LY96: variants seen among roughly 807,000 people sequenced by gnomAD.
LY96 encodes lymphocyte antigen 96, also known as myeloid differentiation protein-2.
Under a neutral mutation model 18.9 loss-of-function variants are expected in LY96, and 18 were observed. The observed-to-expected ratio is 0.95, with a 90% confidence interval of 0.66 to 1.41. The LOEUF is 1.41. Among genes scored for constraint, LY96 ranks in the 40% most tolerant of loss-of-function variants. LY96 has a pLI of 0.00. For missense variants in LY96, 175 were observed against 182.4 expected, an observed-to-expected ratio of 0.96 and a Z score of 0.23; for synonymous variants, 66 against 62.6, an observed-to-expected ratio of 1.06 and a Z score of -0.26.
chr8:74,054,520 TTTCCTTCCTTCCTTCCTTCC>T, the LY96 span, among the ~76,000 whole-genome samples: 34 of 118,418 alleles, frequency 2.9e-4, 1 homozygote, highest in Admixed American at 9.5e-4. Context: ...TTTTCTTTCT[TTTCCTTCCTTCCTTCCTTCC>T]TTCCTTCCTT....
intron 3 of LY96, among the ~76,000 whole-genome samples, chr8:74,025,737 G>T (rs1816857988): frequency 6.6e-6 from 1 of 151,854 alleles, no homozygotes; most frequent in Non-Finnish European, 1.5e-5. Flanking sequence ...GCTGGGCGCA[G>T]TGGCTCATGC....
chr8:74,069,841 ATCC>A, the LY96 span, among the ~76,000 whole-genome samples: 1 of 152,172 alleles, frequency 6.6e-6, no homozygotes, highest in East Asian at 1.9e-4. Context: ...ACCTCAGGTG[ATCC>A]TCCTGCCTTG....
the LY96 span, among the ~76,000 whole-genome samples, chr8:74,063,787 C>T: frequency 0.042 from 6,270 of 150,692 alleles, 345 homozygotes; most frequent in African/African-American, 0.12. Flanking sequence ...AGTGTAAGAA[C>T]GTAACAAATA....
chr8:74,065,555 G>A, the LY96 span, among the ~76,000 whole-genome samples: 6 of 152,186 alleles, frequency 3.9e-5, no homozygotes, highest in African/African-American at 1.4e-4. Context: ...GACTTATCCT[G>A]TGGGCTTTGT....
chr8:74,050,547 G>T, the LY96 span, among the ~76,000 whole-genome samples: 1 of 151,972 alleles, frequency 6.6e-6, no homozygotes, highest in Non-Finnish European at 1.5e-5. Flanking sequence ...CACTCTTAAT[G>T]AAGCCATATG....
rs776208555 is a variant in LY96, at chr8:74,002,096, TC to T, written c.113-2699del. On this transcript the variant is annotated intron_variant, in intron 1 of 4. Transcript: ENST00000284818. Reference sequence around the variant, plus strand: ...CTTCCTTTCTTTCTTTCTTTCTTTCTCTCTCTCTCTCTCTCTCTCTCTCTCT... The same window carrying T: ...CTTCCTTTCTTTCTTTCTTTCTTTCTTCTCTCTCTCTCTCTCTCTCTCTCT... 0.019 allele frequency among the ~76,000 whole-genome samples: 240 copies of T among 12,688 alleles called. 34 individuals carry two copies. In the East Asian group the frequency reaches 0.21, roughly 11 times the overall value. The allele number at this position is 12,688 out of a possible 152,430, so 8.3% of individuals were successfully genotyped here.
At chr8:74,081,146 T>C in the LY96 span, among the ~76,000 whole-genome samples, 9,085 of 77,322 alleles carry the variant, frequency 0.12, 526 homozygotes, top group African/African-American at 0.22. Flanking sequence ...TCCTTCCTTC[T>C]TTCTTTCTTT....
chr8:74,048,248 T>C, the LY96 span, among the ~76,000 whole-genome samples: 4,205 of 151,754 alleles, frequency 0.028, 174 homozygotes, highest in African/African-American at 0.093. Flanking sequence ...GCCACAGTGG[T>C]CTTCGTTTAG....
chr8:74,064,358 A>T, the LY96 span, among the ~76,000 whole-genome samples: 1 of 152,210 alleles, frequency 6.6e-6, no homozygotes, highest in Non-Finnish European at 1.5e-5. Flanking sequence ...AGTAGGGCCT[A>T]GTGGGAGGTG....
intron 3 of LY96, among the ~76,000 whole-genome samples, chr8:74,017,507 A>G (rs553045338): frequency 5.9e-5 from 9 of 152,304 alleles, no homozygotes; most frequent in South Asian, 2.1e-4. Flanking sequence ...AACTTCCCCA[A>G]TCTAGCAAGG....
At chr8:73,995,549 G>A (rs1816109242) in intron 1 of LY96, among the ~76,000 whole-genome samples, 2 of 152,168 alleles carry the variant, frequency 1.3e-5, no homozygotes, top group Non-Finnish European at 2.9e-5. Flanking sequence ...TGTGAATGGG[G>A]ACGAGAGGAA....
chr8:74,060,429 G>T, the LY96 span, among the ~76,000 whole-genome samples: 1 of 152,190 alleles, frequency 6.6e-6, no homozygotes, highest in Non-Finnish European at 1.5e-5. Flanking sequence ...TTCAGTCGGG[G>T]TAATTATATC....
chr8:74,018,228 C>CA (rs201186417), intron 3 of LY96, among the ~76,000 whole-genome samples: 27,087 of 145,142 alleles, frequency 0.19, 2,739 homozygotes, highest in African/African-American at 0.3. Context: ...AAATGGAAAG[C>CA]AAAAAAAAAT....
At chr8:74,071,952 G>A in the LY96 span, among the ~76,000 whole-genome samples, 1 of 151,898 alleles carries the variant, frequency 6.6e-6, no homozygotes, top group African/African-American at 2.4e-5. Flanking sequence ...CTAGTTTTTT[G>A]TTATTGCAAA....
intron 4 of LY96, 36 bp downstream of exon 4, chr8:74,026,877 T>G: frequency 9.8e-7 from 1 of 1,024,816 alleles, no homozygotes; most frequent in Non-Finnish European, 1.5e-6. Context: ...TGTCTAACCT[T>G]TAGCAGTAAT....
chr8:74,028,846 T>C, intron 4 of LY96, 110 bp from the exon 5 acceptor site: 1 of 635,588 alleles, frequency 1.6e-6, no homozygotes. Flanking sequence ...AACTATAAAA[T>C]CAATCCAATT....
At chr8:73,992,446 G>C (rs542470584) in intron 1 of LY96, among the ~76,000 whole-genome samples, 1 of 152,322 alleles carries the variant, frequency 6.6e-6, no homozygotes, top group South Asian at 2.1e-4. Context: ...GAGATTTACA[G>C]ATGTACTTTG....
the LY96 span, among the ~76,000 whole-genome samples, chr8:74,095,270 G>C: frequency 6.6e-6 from 1 of 152,160 alleles, no homozygotes; most frequent in East Asian, 1.9e-4. Flanking sequence ...AGAGAACAAA[G>C]AGTCAGTAAA....
At chr8:74,092,894 C>G in the LY96 span, among the ~76,000 whole-genome samples, 3 of 152,170 alleles carry the variant, frequency 2.0e-5, no homozygotes, top group East Asian at 5.8e-4. Context: ...TTTTCTCTCC[C>G]TGTTTCAATC....
Sources: allele counts gnomAD v4.1 joint callset (sites outside exome capture counted in the v4.1 genomes callset), GRCh38; gene constraint gnomAD v4.1.1; transcripts MANE v1.5; gene names NCBI Gene and HGNC (gene_info 2026-07-23, HGNC 2026-07-21).